The following RIMS1 variants were observed in gnomAD, a reference collection of about 807,000 sequenced individuals.
RIMS1 encodes regulating synaptic membrane exocytosis 1.
Under a neutral mutation model 214.1 loss-of-function variants are expected in RIMS1, and 83 were observed. That is an observed-to-expected ratio of 0.39 (90% CI 0.32 to 0.47). The LOEUF is 0.47. Among genes scored for constraint, RIMS1 ranks in the 20% least tolerant of loss-of-function variants. The pLI, the probability that RIMS1 is intolerant of heterozygous loss-of-function variation, is 0.99. For missense variants in RIMS1, 2,050 were observed against 2,161.8 expected, an observed-to-expected ratio of 0.95 and a Z score of 1.03; for synonymous variants, 793 against 786.8, an observed-to-expected ratio of 1.01 and a Z score of -0.13.
At chr6:72,172,683 T>G (rs2047189271) in intron 4 of RIMS1, among the ~76,000 whole-genome samples, 1 of 152,218 alleles carries the variant, frequency 6.6e-6, no homozygotes, top group African/African-American at 2.4e-5. Flanking sequence ...ACTGTCCTAC[T>G]TGATGGGAAA....
rs149029204 is a variant in RIMS1, at chr6:72,236,509, A to G, written c.1857+781A>G. 7.9e-5 allele frequency among the ~76,000 whole-genome samples: 12 copies of G among 152,332 alleles called. No individual in the cohort carries two copies. In the East Asian group the frequency reaches 2.3e-3, roughly 29 times the overall value. ...TGACAATGGGATATTATCTTCATGT[A>G]GAAATAATAATTCAACTGGTACACA... On this transcript the variant is annotated intron_variant, in intron 8 of 33. Coordinates refer to ENST00000521978, the MANE Select transcript of RIMS1 (RefSeq NM_014989.7).
At chr6:71,952,502 C>T (rs1046162906) in intron 1 of RIMS1, among the ~76,000 whole-genome samples, 1 of 152,086 alleles carries the variant, frequency 6.6e-6, no homozygotes, top group African/African-American at 2.4e-5. Context: ...TCGTGAGGCC[C>T]TTGGGAATCT....
In RIMS1 at chr6:72,290,752, A is replaced by G. The variant is rs760117716; in HGVS notation, c.3628A>G (p.Lys1210Glu). The G allele has an allele frequency of 2.5e-6, 4 of 1,613,834 alleles. No homozygotes were observed. The highest frequency in any genetic ancestry group is 2.5e-6 in the Non-Finnish European group (3 of 1,179,784). ...RATDQPVIRG[K>E]HPARSRSSEH... is the part of the protein sequence containing the mutation. ...AACTGATCAGCCAGTCATTAGGGGA[A>G]AACATCCTGCTCGCTCAAGGTCGAG... Residue 1210 changes from lysine (K) to glutamate (E), a missense_variant, in exon 25 of 34, where the codon AAA (lysine) becomes GAA (glutamate). Physicochemically the swap from Lys to Glu is moderately conservative, Grantham distance 56 (BLOSUM62 1). Coordinates refer to ENST00000521978, the MANE Select transcript of RIMS1 (RefSeq NM_014989.7).
At chr6:72,371,624 A>G (rs2098223190) in intron 29 of RIMS1, among the ~76,000 whole-genome samples, 1 of 152,188 alleles carries the variant, frequency 6.6e-6, no homozygotes, top group South Asian at 2.1e-4. Context: ...AATCAGTTGA[A>G]GGCCAGAGTT....
At chr6:72,000,576 AC>A (rs1434017747) in intron 2 of RIMS1, among the ~76,000 whole-genome samples, 2 of 152,068 alleles carry the variant, frequency 1.3e-5, no homozygotes, top group Non-Finnish European at 2.9e-5. Flanking sequence ...CATCTACCCC[AC>A]TTCTACTGCT....
chr6:72,065,882 A>G (rs765363573), intron 2 of RIMS1, among the ~76,000 whole-genome samples: 2 of 152,070 alleles, frequency 1.3e-5, no homozygotes, highest in African/African-American at 4.8e-5. Context: ...GCAGAATAGA[A>G]ATCATAAATA....
chr6:71,969,167 C>T, intron 2 of RIMS1, 104 bp downstream of exon 2: 2 of 1,077,934 alleles, frequency 1.9e-6, no homozygotes, highest in South Asian at 2.5e-5. Flanking sequence ...TCTGGCTGCT[C>T]TTGTATATGT....
intron 29 of RIMS1, among the ~76,000 whole-genome samples, chr6:72,348,786 C>CATTA (rs1260163474): frequency 5.9e-5 from 9 of 151,378 alleles, no homozygotes; most frequent in African/African-American, 2.2e-4. Flanking sequence ...AACTACTTTA[C>CATTA]CATTACAGTA....
intron 1 of RIMS1, among the ~76,000 whole-genome samples, chr6:71,937,071 C>G (rs1336813123): frequency 6.6e-6 from 1 of 152,202 alleles, no homozygotes; most frequent in African/African-American, 2.4e-5. Flanking sequence ...GCCAGTGTAA[C>G]TATTGGCTTT....
intron 24 of RIMS1, among the ~76,000 whole-genome samples, chr6:72,289,966 T>A (rs536820795): frequency 6.6e-6 from 1 of 152,320 alleles, no homozygotes; most frequent in East Asian, 1.9e-4. Flanking sequence ...ATTGGCTTTA[T>A]AATAATTTTA....
chr6:71,890,511 A>G (rs1328459628), intron 1 of RIMS1, among the ~76,000 whole-genome samples: 2 of 110,106 alleles, frequency 1.8e-5, no homozygotes, highest in Non-Finnish European at 3.8e-5. Flanking sequence ...TGAAAACTGC[A>G]TTATCTGGGA....
At chr6:72,370,672 ATATT>A (rs2098187856) in intron 29 of RIMS1, among the ~76,000 whole-genome samples, 1 of 152,190 alleles carries the variant, frequency 6.6e-6, no homozygotes, top group Admixed American at 6.5e-5. Context: ...TGCTGCATAT[ATATT>A]TGGGGAGTGA....
chr6:72,009,540 G>GT (rs200244309), intron 2 of RIMS1, among the ~76,000 whole-genome samples: 10,660 of 152,090 alleles, frequency 0.07, 450 homozygotes, highest in Middle Eastern at 0.13. Flanking sequence ...CCAGGAGCTG[G>GT]TTTTTTGAAA....
intron 2 of RIMS1, among the ~76,000 whole-genome samples, chr6:72,007,569 AC>A (rs1808292961): frequency 6.6e-6 from 1 of 152,166 alleles, no homozygotes. Context: ...GAAGTTAAAA[AC>A]CTTGAAAACA....
chr6:71,922,126 C>T lies in RIMS1; in HGVS notation c.164+34939C>T, dbSNP rs145106586. On this transcript the variant is annotated intron_variant, in intron 1 of 33. Transcript: ENST00000521978. ...AATGCTGTTTTTACATTTCTTAGTT[C>T]TTCCTCAAGTCATTTTTCATTGTGC... is the stretch of plus-strand genomic sequence containing the variant. Among the ~76,000 whole-genome samples, 684 of 152,194 alleles carry T rather than the reference C, an allele frequency of 4.5e-3. 6 individuals are homozygous for T. Among genetic ancestry groups the T allele is most frequent in the African/African-American group, 0.016 (659 of 41,532 alleles).
chr6:72,274,527 C>A, intron 23 of RIMS1, 95 bp downstream of exon 23: 1 of 936,014 alleles, frequency 1.1e-6, no homozygotes, highest in Non-Finnish European at 1.7e-6. Flanking sequence ...ATATGATGTA[C>A]TTTATTCCAG....
chr6:72,196,978 C>T (rs1255429027), intron 6 of RIMS1, among the ~76,000 whole-genome samples: 2 of 152,028 alleles, frequency 1.3e-5, no homozygotes, highest in Non-Finnish European at 1.5e-5. Context: ...TCTTACCATT[C>T]CCCCTTCCTC....
At chr6:72,098,200 T>C (rs72934887) in intron 3 of RIMS1, among the ~76,000 whole-genome samples, 3 of 152,146 alleles carry the variant, frequency 2.0e-5, no homozygotes, top group Non-Finnish European at 4.4e-5. Context: ...CAATCAACAT[T>C]ATATTCTTTA....
At chr6:72,206,268 T>C (rs1240989714) in intron 6 of RIMS1, among the ~76,000 whole-genome samples, 1 of 152,196 alleles carries the variant, frequency 6.6e-6, no homozygotes, top group Admixed American at 6.5e-5. Flanking sequence ...AAACCTTCAC[T>C]TTTCAATGAA....
Sources: gnomAD v4.1 joint callset for allele counts (sites outside exome capture counted in the v4.1 genomes callset) on GRCh38, gnomAD v4.1.1 for gene constraint, MANE v1.5 for transcripts, NCBI Gene and HGNC (gene_info 2026-07-23, HGNC 2026-07-21) for gene names.